Variants in DLC1 observed in about 807,000 individuals in gnomAD.
The protein encoded by DLC1 is rho GTPase-activating protein 7.
In DLC1, 54 loss-of-function variants were observed where a neutral mutation model predicts 140.3. That is an observed-to-expected ratio of 0.38 (90% CI 0.31 to 0.48). DLC1 has a LOEUF of 0.48. DLC1 is among the 20% of genes least tolerant of loss of function. The probability of loss-of-function intolerance (pLI) is 0.96; values close to 1 mark genes in which losing one functional copy is unlikely to be tolerated. For synonymous variants in DLC1, 986 were observed against 728.1 expected, an observed-to-expected ratio of 1.35 and a Z score of -5.70; for missense variants, 2,536 against 1,907.0, an observed-to-expected ratio of 1.33 and a Z score of -6.14.
At chr8:13,313,188 A>G (rs1008173004) in intron 4 of DLC1, among the ~76,000 whole-genome samples, 4 of 152,144 alleles carry the variant, frequency 2.6e-5, no homozygotes, top group Non-Finnish European at 5.9e-5. Context: ...TAGTATGCTC[A>G]TTCTGTACTA....
At chr8:13,527,989 A>G (rs895273675) in intron 1 of DLC1, among the ~76,000 whole-genome samples, 1 of 152,152 alleles carries the variant, frequency 6.6e-6, no homozygotes, top group Non-Finnish European at 1.5e-5. Flanking sequence ...AGCCACATTT[A>G]TGACAAGTGA....
At chr8:13,584,511 A>T (rs148597912) in intron 1 of DLC1, 1 of 152,338 alleles carries the variant, frequency 6.6e-6, no homozygotes, top group Non-Finnish European at 1.5e-5. Context: ...ATTTGACTGT[A>T]GAATTTGGCA....
intron 2 of DLC1, among the ~76,000 whole-genome samples, chr8:13,451,498 C>A (rs1799056428): frequency 6.6e-6 from 1 of 152,150 alleles, no homozygotes; most frequent in Non-Finnish European, 1.5e-5. Context: ...TAACCATCCC[C>A]ACAGTCCCCC....
At chr8:13,181,507 T>G in intron 5 of DLC1, among the ~76,000 whole-genome samples, 1 of 127,684 alleles carries the variant, frequency 7.8e-6, no homozygotes. Context: ...CCATGTCCGG[T>G]CCCGGTGTGT....
intron 5 of DLC1, among the ~76,000 whole-genome samples, chr8:13,192,984 G>T (rs374495049): frequency 1.3e-5 from 2 of 152,184 alleles, no homozygotes; most frequent in African/African-American, 4.8e-5. Context: ...AACTAATACA[G>T]TGACCCTCTT....
In DLC1 at chr8:13,099,426, G is replaced by C; in HGVS notation, c.2911C>G (p.Leu971Val). 6.2e-7 allele frequency: 1 copy of C among 1,614,146 alleles called. No individual in the cohort carries two copies. The highest frequency in any genetic ancestry group is 8.5e-7 in the Non-Finnish European group (1 of 1,180,018). ...TCGGAGGGCTCTTCCGGTTCATTCA[G>C]GGAGTTGCCTGTGCTGTCCAGGTCG... ...PSDLDSTGNS[L>V]NEPEEPSEIP... Residue 971 changes from leucine (L) to valine (V), a missense_variant, in exon 9 of 18, where the codon CTG (leucine) becomes GTG (valine). Coordinates refer to ENST00000276297, the MANE Select transcript of DLC1 (RefSeq NM_182643.3).
At chr8:13,279,342 G>A (rs1831282610) in intron 5 of DLC1, among the ~76,000 whole-genome samples, 2 of 152,168 alleles carry the variant, frequency 1.3e-5, no homozygotes, top group Non-Finnish European at 1.5e-5. Context: ...ATACTTAACA[G>A]TTCTTCAGTG....
At chr8:13,454,718 C>G (rs1040528774) in intron 2 of DLC1, among the ~76,000 whole-genome samples, 1 of 152,084 alleles carries the variant, frequency 6.6e-6, no homozygotes, top group African/African-American at 2.4e-5. Context: ...CCATGCCTAG[C>G]TAATTTTTTA....
intron 7 of DLC1, among the ~76,000 whole-genome samples, chr8:13,103,848 A>G (rs1819319435): frequency 6.7e-6 from 1 of 149,194 alleles, no homozygotes. Context: ...TCAAAAAAAA[A>G]AAAAAAAAAA....
rs922189253 is a variant in DLC1 at position 13,333,788 on chromosome 8, A to G, written c.1315-28486T>C. The stretch of plus-strand genomic sequence containing the variant: ...TCTTTACCTAACATCACTTTGTTAG[A>G]TATCTACAAACATGTTTATTTTATG... On this transcript the variant is annotated intron_variant, in intron 4 of 17. Transcript: ENST00000276297. Among the ~76,000 whole-genome samples, 5 of 152,324 alleles carry G rather than the reference A, an allele frequency of 3.3e-5. No homozygotes were observed. The East Asian group carries it at 9.6e-4, about 29-fold the overall frequency.
At chr8:13,369,707 C>G (rs890016245) in intron 4 of DLC1, among the ~76,000 whole-genome samples, 2 of 152,036 alleles carry the variant, frequency 1.3e-5, no homozygotes, top group African/African-American at 4.8e-5. Context: ...CTTCCTTGGT[C>G]CAGACACCAT....
At position 13,405,830 on chromosome 8, in the gene DLC1, TTCCC is replaced by T. The variant is rs565643095; in HGVS notation, c.1024-4215_1024-4212del. Among the ~76,000 whole-genome samples, 216 of 151,720 alleles carry T rather than the reference TTCCC, an allele frequency of 1.4e-3. 4 individuals are homozygous for T. In the South Asian group the frequency reaches 0.036, roughly 25 times the overall value. On this transcript the variant is annotated intron_variant, in intron 2 of 17. Coordinates refer to ENST00000276297, the MANE Select transcript of DLC1 (RefSeq NM_182643.3). ...CTTTTCTCATTCCTTCCTTTCTTCC[TTCCC>T]TCCCTCCCTCCCTTTCTGTCTTTCT...
At chr8:13,568,694 T>G (rs1004848779) in intron 1 of DLC1, among the ~76,000 whole-genome samples, 1 of 152,152 alleles carries the variant, frequency 6.6e-6, no homozygotes, top group Non-Finnish European at 1.5e-5. Context: ...AGTTATCAAG[T>G]GGATCAAGGA....
At chr8:13,459,251 C>G (rs890350900) in intron 2 of DLC1, among the ~76,000 whole-genome samples, 6 of 152,072 alleles carry the variant, frequency 3.9e-5, no homozygotes, top group African/African-American at 1.4e-4. Flanking sequence ...TTCTTCCTTT[C>G]CCTCCCCCTC....
chr8:13,323,493 C>G (rs956370693), intron 4 of DLC1, among the ~76,000 whole-genome samples: 6 of 152,224 alleles, frequency 3.9e-5, no homozygotes, highest in African/African-American at 1.4e-4. Flanking sequence ...TTATTATTTT[C>G]TTGCATCATT....
intron 2 of DLC1, among the ~76,000 whole-genome samples, chr8:13,429,240 C>T (rs1260763657): frequency 6.6e-6 from 1 of 152,162 alleles, no homozygotes; most frequent in East Asian, 1.9e-4. Context: ...GTGGAAGAGA[C>T]CTGGCCATTT....
upstream of DLC1, among the ~76,000 whole-genome samples, chr8:13,519,228 C>G (rs1042742694): frequency 6.6e-6 from 1 of 150,914 alleles, no homozygotes; most frequent in Non-Finnish European, 1.5e-5. Flanking sequence ...CCTAGGTTCA[C>G]GCCATTCTCC....
At chr8:13,438,652 T>C (rs945047549) in intron 2 of DLC1, among the ~76,000 whole-genome samples, 1 of 152,174 alleles carries the variant, frequency 6.6e-6, no homozygotes, top group Non-Finnish European at 1.5e-5. Context: ...ACTTCCCACA[T>C]TGAGTCCTTC....
At chr8:13,134,527 A>T (rs1370549260) in intron 5 of DLC1, among the ~76,000 whole-genome samples, 1 of 152,242 alleles carries the variant, frequency 6.6e-6, no homozygotes, top group Non-Finnish European at 1.5e-5. Flanking sequence ...GGAAGGGCAC[A>T]ATTTGTTTTT....
Sources: gnomAD v4.1 joint callset for allele counts (sites outside exome capture counted in the v4.1 genomes callset) on GRCh38, gnomAD v4.1.1 for gene constraint, MANE v1.5 for transcripts, NCBI Gene and HGNC (gene_info 2026-07-23, HGNC 2026-07-21) for gene names.